The following PRMT8 variants were observed in gnomAD, a reference collection of about 807,000 sequenced individuals.
The protein encoded by PRMT8 is protein arginine methyltransferase 8.
PRMT8 carries 7 observed loss-of-function variants against 47.1 expected under a neutral mutation model. That is an observed-to-expected ratio of 0.15 (90% CI 0.08 to 0.28). The LOEUF (loss-of-function observed/expected upper bound fraction) is 0.28. Among genes scored for constraint, PRMT8 ranks in the 10% least tolerant of loss-of-function variants. PRMT8 has a pLI of 1.00. For missense variants in PRMT8, 237 were observed against 505.4 expected (o/e 0.47, Z 5.09); for synonymous variants, 188 against 186.5 (o/e 1.01, Z -0.07).
At chr12:3,553,886 C>T (rs568229066) in intron 4 of PRMT8, among the ~76,000 whole-genome samples, 172 bp downstream of exon 4, 13 of 152,294 alleles carry the variant, frequency 8.5e-5, no homozygotes, top group South Asian at 8.3e-4. Flanking sequence ...ATGTTCCCCC[C>T]GACACCAGGC....
chr12:3,468,137 A>C (rs772173653), intron 1 of PRMT8, among the ~76,000 whole-genome samples: 1 of 152,168 alleles, frequency 6.6e-6, no homozygotes. Flanking sequence ...CTTAGTATAG[A>C]TGTGGGCTTG....
intron 1 of PRMT8, among the ~76,000 whole-genome samples, chr12:3,440,590 G>T (rs891580287): frequency 6.6e-6 from 1 of 152,082 alleles, no homozygotes; most frequent in African/African-American, 2.4e-5. Flanking sequence ...AAAGGAGGAG[G>T]TTCATTATAC....
At chr12:3,558,972 A>ATCTG (rs1866581685) in intron 4 of PRMT8, among the ~76,000 whole-genome samples, 1 of 147,336 alleles carries the variant, frequency 6.8e-6, no homozygotes, top group Non-Finnish European at 1.5e-5. Flanking sequence ...CTATCTATCT[A>ATCTG]TCTATCTATC....
rs568585267 is a variant in PRMT8 at position 3,397,755 on chromosome 12, G to A, written c.48+16313G>A. Reference sequence around the variant, plus strand: ...GGGCTCCCCCCAGTTCGTGCTTCCCGGCTGCTTTGTTTACCTCAGCAAGCC... The same window carrying A: ...GGGCTCCCCCCAGTTCGTGCTTCCCAGCTGCTTTGTTTACCTCAGCAAGCC... On this transcript the variant is annotated intron_variant, in intron 1 of 9. Transcript: ENST00000452611. Among the ~76,000 whole-genome samples the A allele has an allele frequency of 1.6e-3, 248 of 152,138 alleles. 1 individual carries two copies. The highest frequency in any genetic ancestry group is 2.7e-3 in the Non-Finnish European group (184 of 68,000).
intron 8 of PRMT8, among the ~76,000 whole-genome samples, chr12:3,590,653 T>A (rs1027640092): frequency 2.7e-5 from 4 of 146,944 alleles, no homozygotes; most frequent in African/African-American, 1.0e-4. Context: ...AAAAAAGAAA[T>A]CCTGGTAGAG....
rs985669051 is a variant in PRMT8, at chr12:3,580,617, T to G, written c.829-2441T>G. ...TGAGGATACACAGGACAATGAGGTG[T>G]AACTTCTGCCACTGAAGGCTTCAGT... On this transcript the variant is annotated intron_variant, in intron 7 of 9. Transcript: ENST00000382622. The surrounding 1 kb of genome is among the most constrained non-coding windows in gnomAD (Gnocchi z 4.6). Among the ~76,000 whole-genome samples the G allele has an allele frequency of 1.1e-4, 17 of 152,090 alleles. No homozygotes were observed. The highest frequency in any genetic ancestry group is 3.9e-4 in the African/African-American group (16 of 41,408).
intron 1 of PRMT8, among the ~76,000 whole-genome samples, chr12:3,521,667 C>T (rs182350539): frequency 3.3e-5 from 5 of 152,120 alleles, no homozygotes; most frequent in East Asian, 3.9e-4. Flanking sequence ...AAAAAGTAAA[C>T]GAAAAAATGG....
At chr12:3,497,089 T>C (rs1325668474) in intron 1 of PRMT8, among the ~76,000 whole-genome samples, 3 of 152,146 alleles carry the variant, frequency 2.0e-5, no homozygotes, top group African/African-American at 7.2e-5. Context: ...GTGTGGAACA[T>C]GCAAAAATCT....
At chr12:3,526,934 C>T (rs1438699166) in intron 1 of PRMT8, among the ~76,000 whole-genome samples, 1 of 152,046 alleles carries the variant, frequency 6.6e-6, no homozygotes, top group Admixed American at 6.6e-5. Context: ...AAAGTGATAA[C>T]CTCTAACCTC....
Position 3,540,808 on chromosome 12 carries a change from G to A in PRMT8, c.261+17G>A, listed in dbSNP as rs764467828. ...ATCCACGAGGTAAAGTGTCCCGAGTGGGTGGCTAATGGGGCGAGGCTGACT... is the reference window on the plus strand; with the variant it reads ...ATCCACGAGGTAAAGTGTCCCGAGTAGGTGGCTAATGGGGCGAGGCTGACT... On this transcript the variant is annotated intron_variant, in intron 2 of 9. Coordinates refer to ENST00000382622, the MANE Select transcript of PRMT8 (RefSeq NM_019854.5). 6.2e-7 allele frequency: 1 copy of A among 1,610,674 alleles called. No individual in the cohort carries two copies. The highest frequency in any genetic ancestry group is 8.5e-7 in the Non-Finnish European group (1 of 1,178,010).
At chr12:3,398,104 T>C (rs1489467917) in intron 1 of PRMT8, among the ~76,000 whole-genome samples, 1 of 152,184 alleles carries the variant, frequency 6.6e-6, no homozygotes, top group African/African-American at 2.4e-5. Flanking sequence ...GCGCCCACTG[T>C]CTGGCACTCC....
At chr12:3,546,155 T>G (rs1866324964) in intron 2 of PRMT8, among the ~76,000 whole-genome samples, 1 of 152,110 alleles carries the variant, frequency 6.6e-6, no homozygotes, top group Non-Finnish European at 1.5e-5. Flanking sequence ...TAAATGATAG[T>G]GAAAATACAA....
intron 6 of PRMT8, among the ~76,000 whole-genome samples, chr12:3,573,450 A>C (rs1866886122): frequency 1.3e-5 from 2 of 152,228 alleles, no homozygotes; most frequent in Non-Finnish European, 2.9e-5. Flanking sequence ...TTGTTGGATA[A>C]TTCTAACATC....
intron 1 of PRMT8, among the ~76,000 whole-genome samples, chr12:3,527,337 C>T (rs543461429): frequency 1.7e-4 from 26 of 151,998 alleles, no homozygotes; most frequent in African/African-American, 4.8e-4. Context: ...GACTAATGGG[C>T]GGGCAGCATA....
At chr12:3,524,332 C>G (rs188597432) in intron 1 of PRMT8, among the ~76,000 whole-genome samples, 1 of 152,056 alleles carries the variant, frequency 6.6e-6, no homozygotes, top group Non-Finnish European at 1.5e-5. Flanking sequence ...ATTTCCAAGA[C>G]AAAGTGCCTT....
At chr12:3,523,457 C>G (rs1224046147) in intron 1 of PRMT8, among the ~76,000 whole-genome samples, 2 of 152,074 alleles carry the variant, frequency 1.3e-5, no homozygotes, top group Non-Finnish European at 2.9e-5. Context: ...CACCCCAAGC[C>G]CACCCAGGAT....
chr12:3,480,367 T>C lies in PRMT8; in HGVS notation c.49-60239T>C, dbSNP rs186571315. Among the ~76,000 whole-genome samples, 12 of 152,342 alleles carry C rather than the reference T, an allele frequency of 7.9e-5. No homozygotes were observed. In the East Asian group the frequency reaches 2.3e-3, roughly 29 times the overall value. Reference sequence around the variant, plus strand: ...CTTCCCCCTTGCTTGTTCCAAGAACTGGGGACAGTATCTGTACTCTGAATG... The same window carrying C: ...CTTCCCCCTTGCTTGTTCCAAGAACCGGGGACAGTATCTGTACTCTGAATG... On this transcript the variant is annotated intron_variant, in intron 1 of 9. Transcript: ENST00000452611.
At chr12:3,418,362 A>G (rs1254397458) in intron 1 of PRMT8, among the ~76,000 whole-genome samples, 1 of 152,186 alleles carries the variant, frequency 6.6e-6, no homozygotes, top group African/African-American at 2.4e-5. Context: ...GCTGAAAAAG[A>G]AAAGGGGGCA....
At chr12:3,450,770 G>A (rs1314020381) in intron 1 of PRMT8, among the ~76,000 whole-genome samples, 1 of 152,126 alleles carries the variant, frequency 6.6e-6, no homozygotes, top group Non-Finnish European at 1.5e-5. Flanking sequence ...TTTAAAAAGT[G>A]TACTCCAAAG....
Sources: gnomAD v4.1 joint callset for allele counts (sites outside exome capture counted in the v4.1 genomes callset) on GRCh38, gnomAD v4.1.1 for gene constraint, Gnocchi (gnomAD v3.1) non-coding constraint, MANE v1.5 for transcripts, NCBI Gene and HGNC (gene_info 2026-07-23, HGNC 2026-07-21) for gene names.